Variants in NTM observed in about 807,000 individuals in gnomAD.
The protein encoded by NTM is neurotrimin.
NTM carries 13 observed loss-of-function variants against 42.1 expected under a neutral mutation model. That is an observed-to-expected ratio of 0.31 (90% CI 0.20 to 0.49). NTM has a LOEUF of 0.49. NTM is among the 20% of genes least tolerant of loss of function. The pLI is 0.99. For missense variants in NTM, 373 were observed against 452.8 expected (o/e 0.82, Z 1.60); for synonymous variants, 187 against 179.2 (o/e 1.04, Z -0.35).
intron 2 of NTM, among the ~76,000 whole-genome samples, chr11:132,019,461 T>C (rs977047033): frequency 6.6e-6 from 1 of 152,058 alleles, no homozygotes; most frequent in Non-Finnish European, 1.5e-5. Context: ...TTCAATTTTG[T>C]CAGGTTTGCT....
intron 2 of NTM, among the ~76,000 whole-genome samples, chr11:132,138,126 A>G (rs1046315166): frequency 6.6e-6 from 1 of 152,094 alleles, no homozygotes; most frequent in Non-Finnish European, 1.5e-5. Context: ...CTCAACACTT[A>G]CCAAGATCCA....
intron 1 of NTM, among the ~76,000 whole-genome samples, chr11:131,541,782 A>G (rs1310513556): frequency 6.6e-6 from 1 of 152,254 alleles, no homozygotes. Flanking sequence ...TGATGGCTGA[A>G]TTAGATAACA....
intron 3 of NTM, among the ~76,000 whole-genome samples, chr11:132,160,646 G>C (rs1227966847): frequency 6.6e-6 from 1 of 152,168 alleles, no homozygotes. Flanking sequence ...TTTAACATAG[G>C]GAGAGAGCTG....
intron 1 of NTM, among the ~76,000 whole-genome samples, chr11:131,484,692 G>A (rs1173500929): frequency 1.3e-5 from 2 of 152,172 alleles, no homozygotes; most frequent in Non-Finnish European, 2.9e-5. Flanking sequence ...CCATGTCACT[G>A]ACTGCCTCTT....
At chr11:131,666,962 G>A (rs146530828) in intron 1 of NTM, among the ~76,000 whole-genome samples, 19 of 152,286 alleles carry the variant, frequency 1.2e-4, no homozygotes, top group Middle Eastern at 3.4e-3. Flanking sequence ...GTCTGGGGCC[G>A]TGCAGTGTTC....
chr11:132,005,373 G>A (rs2070528782), intron 2 of NTM, among the ~76,000 whole-genome samples: 1 of 152,132 alleles, frequency 6.6e-6, no homozygotes, highest in Admixed American at 6.6e-5. Flanking sequence ...TGTGGACATT[G>A]TCTTTACTGG....
chr11:131,852,926 C>G (rs1339153413), intron 1 of NTM, among the ~76,000 whole-genome samples: 2 of 150,038 alleles, frequency 1.3e-5, no homozygotes, highest in Non-Finnish European at 1.5e-5. Context: ...ATCCACCCAC[C>G]CATCCATCCA....
Position 132,184,846 on chromosome 11 carries a change from A to G in NTM, c.401-27176A>G, listed in dbSNP as rs571813094. ...CACAGCGTCATGAACGTACCATGTC[A>G]TTGTGAACCTATGCTACGGCTTCAT... On this transcript the variant is annotated intron_variant, in intron 3 of 8. Transcript: ENST00000683400. 3.9e-5 allele frequency among the ~76,000 whole-genome samples: 6 copies of G among 152,344 alleles called. No individual in the cohort carries two copies. The East Asian group carries it at 1.2e-3, about 29-fold the overall frequency.
chr11:132,164,900 A>G (rs746837718), intron 3 of NTM, among the ~76,000 whole-genome samples: 22 of 152,146 alleles, frequency 1.4e-4, no homozygotes, highest in Non-Finnish European at 3.1e-4. Context: ...CTCCCTAAGG[A>G]CATTGTCTCT....
At chr11:131,914,996 T>G (rs975232769) in intron 2 of NTM, among the ~76,000 whole-genome samples, 2 of 152,204 alleles carry the variant, frequency 1.3e-5, no homozygotes, top group African/African-American at 4.8e-5. Flanking sequence ...GTGGCACAGC[T>G]AGGAAGCTTT....
chr11:132,045,527 T>C (rs556140991), intron 2 of NTM, among the ~76,000 whole-genome samples: 88 of 152,318 alleles, frequency 5.8e-4, no homozygotes, highest in Non-Finnish European at 1.1e-3. Flanking sequence ...TGGTCTTCCA[T>C]GCAAGTATTT....
At chr11:131,741,828 C>T (rs2081240306) in intron 1 of NTM, among the ~76,000 whole-genome samples, 1 of 152,156 alleles carries the variant, frequency 6.6e-6, no homozygotes, top group Non-Finnish European at 1.5e-5. Flanking sequence ...TCAACCTAAA[C>T]GTCCATCAGT....
intron 4 of NTM, among the ~76,000 whole-genome samples, chr11:132,268,656 TCC>T (rs200697574): frequency 2.2e-4 from 15 of 68,082 alleles, no homozygotes; most frequent in Non-Finnish European, 3.8e-4. Context: ...TGGTGTGGGG[TCC>T]TCTCTCTCTC....
At chr11:131,691,442 C>G (rs943631667) in intron 1 of NTM, among the ~76,000 whole-genome samples, 1 of 152,148 alleles carries the variant, frequency 6.6e-6, no homozygotes, top group Non-Finnish European at 1.5e-5. Context: ...CCAGGCTGGC[C>G]GAGCCGAGAG....
chr11:131,448,711 C>T (rs1337028652), intron 1 of NTM, among the ~76,000 whole-genome samples: 1 of 152,220 alleles, frequency 6.6e-6, no homozygotes, highest in Non-Finnish European at 1.5e-5. Context: ...GAGAAGGCTG[C>T]AGGCTGGAGA....
chr11:132,138,055 G>A (rs2137189642), intron 2 of NTM, among the ~76,000 whole-genome samples: 1 of 152,190 alleles, frequency 6.6e-6, no homozygotes, highest in Non-Finnish European at 1.5e-5. Context: ...CCTACTGCTG[G>A]ACATGCTGCA....
At chr11:131,531,892 A>C (rs2051333046) in intron 1 of NTM, among the ~76,000 whole-genome samples, 1 of 152,200 alleles carries the variant, frequency 6.6e-6, no homozygotes, top group African/African-American at 2.4e-5. Context: ...AAGGAACCGC[A>C]TGCACAGAAG....
chr11:131,694,431 A>G (rs2075177947), intron 1 of NTM, among the ~76,000 whole-genome samples: 1 of 152,208 alleles, frequency 6.6e-6, no homozygotes, highest in Non-Finnish European at 1.5e-5. Flanking sequence ...CTAGAAGCTG[A>G]GTCTGGTGGG....
chr11:131,676,654 T>C (rs1162405259), intron 1 of NTM, among the ~76,000 whole-genome samples: 2 of 152,242 alleles, frequency 1.3e-5, no homozygotes, highest in Non-Finnish European at 2.9e-5. Flanking sequence ...AATTAGCCAT[T>C]GGAGAGACAG....
Sources: allele counts gnomAD v4.1 joint callset (sites outside exome capture counted in the v4.1 genomes callset), GRCh38; gene constraint gnomAD v4.1.1; transcripts MANE v1.5; gene names NCBI Gene and HGNC (gene_info 2026-07-23, HGNC 2026-07-21).